PSD3: variants seen among roughly 807,000 people sequenced by gnomAD.
The protein encoded by PSD3 is PH and SEC7 domain-containing protein 3.
In PSD3, 49 loss-of-function variants were observed where a neutral mutation model predicts 105.5. The observed-to-expected ratio is 0.46, with a 90% CI of 0.37 to 0.59. The LOEUF is 0.59. Ranked by LOEUF, PSD3 falls within the 20% of genes least tolerant of loss-of-function variation. The pLI, the probability that PSD3 is intolerant of heterozygous loss-of-function variation, is 0.00. For missense variants in PSD3, 1,561 were observed against 1,263.8 expected, an observed-to-expected ratio of 1.24 and a Z score of -3.57; for synonymous variants, 557 against 457.8, an observed-to-expected ratio of 1.22 and a Z score of -2.77.
At chr8:18,875,412 G>A (rs1330226386) in intron 2 of PSD3, among the ~76,000 whole-genome samples, 1 of 151,500 alleles carries the variant, frequency 6.6e-6, no homozygotes, top group Non-Finnish European at 1.5e-5. Flanking sequence ...TCCTAGGGTG[G>A]AATATTGATA....
chr8:19,032,649 CAA>C lies in PSD3; in HGVS notation c.324+51555_324+51556del, dbSNP rs59029468. Among the ~76,000 whole-genome samples, 508 of 108,236 alleles carry C rather than the reference CAA, an allele frequency of 4.7e-3. 2 individuals are homozygous for C. Among genetic ancestry groups the C allele is most frequent in the South Asian group, 0.021 (68 of 3,196 alleles). 71.0% of individuals were successfully genotyped at this position (108,236 alleles called of 152,430 possible). On this transcript the variant is annotated intron_variant, in intron 1 of 1. Transcript: ENST00000521475. The stretch of plus-strand genomic sequence containing the variant: ...TGAGTGACAGAGCAAGACTCTGTCT[CAA>C]AAAAAAAAAAAAAAAAGAAAGGAAT...
intron 9 of PSD3, among the ~76,000 whole-genome samples, chr8:18,663,921 C>T (rs1287339631): frequency 1.3e-5 from 2 of 152,178 alleles, no homozygotes; most frequent in African/African-American, 2.4e-5. Flanking sequence ...TTTGACAATT[C>T]TCACAATTCA....
intron 1 of PSD3, among the ~76,000 whole-genome samples, chr8:18,961,628 T>C (rs933695793): frequency 6.6e-6 from 1 of 151,470 alleles, no homozygotes; most frequent in African/African-American, 2.4e-5. Context: ...GAGGCGGAGG[T>C]TGCAGCGAGC....
At chr8:19,000,962 T>C (rs1826348314) in intron 1 of PSD3, 1 of 151,960 alleles carries the variant, frequency 6.6e-6, no homozygotes, top group Non-Finnish European at 1.5e-5. Context: ...GGTCATAGAT[T>C]TGGGGATTCA....
chr8:18,997,315 C>T (rs974894528), intron 1 of PSD3, among the ~76,000 whole-genome samples: 3 of 151,830 alleles, frequency 2.0e-5, no homozygotes, highest in African/African-American at 4.8e-5. Context: ...GATGCACAGG[C>T]CAGTATTTTG....
At chr8:18,922,081 C>T (rs960830880) in intron 2 of PSD3, among the ~76,000 whole-genome samples, 6 of 152,248 alleles carry the variant, frequency 3.9e-5, no homozygotes, top group African/African-American at 1.4e-4. Flanking sequence ...AAGATATTTC[C>T]TACCTAAAAA....
intron 1 of PSD3, among the ~76,000 whole-genome samples, chr8:19,030,118 CT>C (rs1827710285): frequency 6.6e-6 from 1 of 152,192 alleles, no homozygotes; most frequent in East Asian, 1.9e-4. Context: ...TGGTACATGC[CT>C]TTTGTCGAGT....
At chr8:18,815,460 C>A (rs894252475) in intron 4 of PSD3, among the ~76,000 whole-genome samples, 10 of 152,032 alleles carry the variant, frequency 6.6e-5, no homozygotes, top group African/African-American at 2.4e-4. Flanking sequence ...AGGCGCATGC[C>A]CCCATGCCTG....
chr8:18,849,951 A>C (rs1036581111), intron 4 of PSD3, among the ~76,000 whole-genome samples: 5 of 152,232 alleles, frequency 3.3e-5, no homozygotes, highest in African/African-American at 1.2e-4. Flanking sequence ...CCTTCTGGTT[A>C]ATCAGCTGCA....
rs375872604 is a variant in PSD3, at chr8:18,865,286, A to ATTTTTT, written c.1634+2382_1634+2387dup. Reference sequence around the variant, plus strand: ...TATATATATATATATATATATATATATTTTTTTTTTTTTTTTTTTTTTTAA... The same window carrying ATTTTTT: ...TATATATATATATATATATATATATATTTTTTTTTTTTTTTTTTTTTTTTTTTTTAA... On this transcript the variant is annotated intron_variant, in intron 4 of 15. Coordinates refer to ENST00000327040, the MANE Select transcript of PSD3 (RefSeq NM_015310.4). 31 of 14,086 alleles carry ATTTTTT rather than the reference A, an allele frequency of 2.2e-3. 3 individuals carry two copies. Among genetic ancestry groups the ATTTTTT allele is most frequent in the African/African-American group, 4.0e-3 (13 of 3,210 alleles). The allele number at this position is 14,086 out of a possible 1,614,324, so 0.9% of individuals were successfully genotyped here.
chr8:18,729,451 A>C (rs1238720604), intron 9 of PSD3, among the ~76,000 whole-genome samples: 2 of 152,210 alleles, frequency 1.3e-5, no homozygotes, highest in African/African-American at 4.8e-5. Context: ...AATTATTTCA[A>C]GATGAAGAGG....
intron 14 of PSD3, among the ~76,000 whole-genome samples, chr8:18,568,956 G>A (rs1187626594): frequency 6.8e-6 from 1 of 148,064 alleles, no homozygotes; most frequent in East Asian, 2.0e-4. Context: ...AATATGTGGT[G>A]TTTGGTTTTT....
chr8:18,544,979 T>G (rs1800370800), intron 15 of PSD3, among the ~76,000 whole-genome samples: 3 of 152,038 alleles, frequency 2.0e-5, no homozygotes, highest in African/African-American at 7.2e-5. Context: ...AGACCAGGAG[T>G]AGAAAGCAGG....
At position 18,531,159 on chromosome 8, in the gene PSD3, C is replaced by G. The variant is rs1799616383; in HGVS notation, c.*4584G>C. On this transcript the variant is annotated 3_prime_UTR_variant, in exon 16 of 16. Coordinates refer to ENST00000327040, the MANE Select transcript of PSD3 (RefSeq NM_015310.4). ...CCAAAAGCCTGCAATACTACAGATA[C>G]ACACACAAATTACAAAGGATGAACC... 1 of 152,600 alleles carries G rather than the reference C, an allele frequency of 6.6e-6. No homozygotes were observed. Among genetic ancestry groups the G allele is most frequent in the African/African-American group, 2.4e-5 (1 of 41,426 alleles). 9.5% of individuals were successfully genotyped at this position (152,600 alleles called of 1,614,324 possible).
In PSD3 at chr8:18,530,531, C is replaced by T. The variant is rs3739396; in HGVS notation, c.*5212G>A. The T allele has an allele frequency of 0.76, 115,564 of 152,518 alleles. 45,962 individuals are homozygous for T. Among genetic ancestry groups the T allele is most frequent in the East Asian group, 0.9 (4,652 of 5,174 alleles). 9.4% of individuals were successfully genotyped at this position (152,518 alleles called of 1,614,324 possible). A position where few individuals can be genotyped will look rare whatever the true frequency, so the allele number is the denominator to read the frequency against. On this transcript the variant is annotated 3_prime_UTR_variant, in exon 16 of 16. Coordinates refer to ENST00000327040, the MANE Select transcript of PSD3 (RefSeq NM_015310.4). ...AAATACATAAATGATATGGTGGGTA[C>T]TTAATTCTTCCGAAAGCTATATTTT...
At chr8:19,057,832 T>C (rs1212638812) in intron 1 of PSD3, among the ~76,000 whole-genome samples, 3 of 152,232 alleles carry the variant, frequency 2.0e-5, no homozygotes, top group Admixed American at 6.5e-5. Context: ...TCGCATACAT[T>C]GCTGGTGGGC....
intron 14 of PSD3, among the ~76,000 whole-genome samples, chr8:18,568,116 G>A (rs1325458699): frequency 6.6e-6 from 1 of 152,076 alleles, no homozygotes. Flanking sequence ...AGATGCTGAT[G>A]CCATGCTTCG....
chr8:19,023,478 T>C (rs1167425197), intron 1 of PSD3, among the ~76,000 whole-genome samples: 1 of 151,918 alleles, frequency 6.6e-6, no homozygotes. Context: ...ACCCAGGCTG[T>C]AGGGCTGTGG....
At chr8:18,602,013 A>G (rs922865127) in intron 11 of PSD3, among the ~76,000 whole-genome samples, 1 of 152,184 alleles carries the variant, frequency 6.6e-6, no homozygotes. Flanking sequence ...CTACTGCTGT[A>G]CTTTTGCTTC....
Sources: allele counts gnomAD v4.1 joint callset (sites outside exome capture counted in the v4.1 genomes callset), GRCh38; gene constraint gnomAD v4.1.1; transcripts MANE v1.5; gene names NCBI Gene and HGNC (gene_info 2026-07-23, HGNC 2026-07-21).